The following LHFPL6 variants were observed in gnomAD, a reference collection of about 807,000 sequenced individuals.
The protein encoded by LHFPL6 is LHFPL tetraspan subfamily member 6 protein.
LHFPL6 carries 9 observed loss-of-function variants against 20.6 expected under a neutral mutation model. The ratio of observed to expected loss-of-function variants is 0.44; its 90% CI spans 0.26 to 0.76. The LOEUF is 0.76. Ranked by LOEUF, LHFPL6 falls within the 30% of genes least tolerant of loss-of-function variation. The pLI is 0.20. For missense variants in LHFPL6, 218 were observed against 253.5 expected, an observed-to-expected ratio of 0.86 and a Z score of 0.95; for synonymous variants, 105 against 98.7, an observed-to-expected ratio of 1.06 and a Z score of -0.38.
intron 2 of LHFPL6, among the ~76,000 whole-genome samples, chr13:39,595,964 C>G (rs555151063): frequency 6.6e-5 from 10 of 152,128 alleles, no homozygotes; most frequent in African/African-American, 2.2e-4. Flanking sequence ...ATCTATAGTA[C>G]GGTCTTCCTA....
chr13:39,347,678 C>T (rs920678362), intron 3 of LHFPL6, among the ~76,000 whole-genome samples: 9 of 152,210 alleles, frequency 5.9e-5, no homozygotes, highest in African/African-American at 2.2e-4. Flanking sequence ...GATTTGCTGA[C>T]AACCATGAAC....
intron 2 of LHFPL6, among the ~76,000 whole-genome samples, chr13:39,586,978 G>T (rs189112255): frequency 2.0e-5 from 3 of 152,242 alleles, no homozygotes; most frequent in Non-Finnish European, 2.9e-5. Flanking sequence ...CCAGCATAGT[G>T]AAACCCTGTC....
At chr13:39,468,002 A>G (rs572018250) in intron 2 of LHFPL6, among the ~76,000 whole-genome samples, 199 of 152,296 alleles carry the variant, frequency 1.3e-3, no homozygotes, top group Middle Eastern at 6.8e-3. Context: ...GGAAGCTTCA[A>G]AAAACAGAGG....
chr13:39,424,768 G>A (rs1871594167), intron 2 of LHFPL6, among the ~76,000 whole-genome samples: 1 of 152,148 alleles, frequency 6.6e-6, no homozygotes, highest in East Asian at 1.9e-4. Flanking sequence ...ATATTAATGT[G>A]AAAATTAGAG....
At chr13:39,526,810 C>T (rs572429389) in intron 2 of LHFPL6, among the ~76,000 whole-genome samples, 8 of 152,304 alleles carry the variant, frequency 5.3e-5, no homozygotes, top group African/African-American at 1.9e-4. Flanking sequence ...ATTTCGAAGG[C>T]TTTAAGTGAC....
chr13:39,506,000 C>T (rs1172834898), intron 2 of LHFPL6, among the ~76,000 whole-genome samples: 3 of 152,196 alleles, frequency 2.0e-5, no homozygotes, highest in Non-Finnish European at 4.4e-5. Context: ...CCTCTAACCA[C>T]TCAACTCAGA....
At chr13:39,516,125 C>T (rs1251737644) in intron 2 of LHFPL6, among the ~76,000 whole-genome samples, 1 of 152,226 alleles carries the variant, frequency 6.6e-6, no homozygotes, top group Admixed American at 6.5e-5. Flanking sequence ...GAATAGTCTC[C>T]TAGCTGGATT....
At chr13:39,561,615 G>T (rs1303110064) in intron 2 of LHFPL6, among the ~76,000 whole-genome samples, 2 of 152,222 alleles carry the variant, frequency 1.3e-5, no homozygotes, top group Non-Finnish European at 1.5e-5. Context: ...GGCACAAGCC[G>T]CCATGTCTGC....
chr13:39,492,558 T>C (rs1868962214), intron 2 of LHFPL6, among the ~76,000 whole-genome samples: 1 of 152,214 alleles, frequency 6.6e-6, no homozygotes, highest in African/African-American at 2.4e-5. Flanking sequence ...TTCATTGTTA[T>C]TGTGTTTCCT....
chr13:39,599,533 C>A (rs1872866590), intron 2 of LHFPL6, among the ~76,000 whole-genome samples: 1 of 152,178 alleles, frequency 6.6e-6, no homozygotes, highest in Non-Finnish European at 1.5e-5. Context: ...GGTAGGTCCC[C>A]CACACTGCCT....
intron 2 of LHFPL6, among the ~76,000 whole-genome samples, chr13:39,566,166 G>A (rs757304325): frequency 9.9e-5 from 15 of 152,138 alleles, no homozygotes; most frequent in Admixed American, 6.5e-4. Context: ...ACAGAAAAAG[G>A]AGGTAGAAGT....
intron 2 of LHFPL6, among the ~76,000 whole-genome samples, chr13:39,418,382 CTTTTTT>C (rs71077297): frequency 2.9e-4 from 38 of 129,710 alleles, no homozygotes; most frequent in South Asian, 5.2e-4. Flanking sequence ...TTTTTTTGGT[CTTTTTT>C]TTTTTTTTTT....
intron 2 of LHFPL6, 32 bp downstream of exon 2, chr13:39,600,800 A>G: frequency 1.4e-6 from 2 of 1,459,264 alleles, no homozygotes; most frequent in Non-Finnish European, 1.8e-6. Context: ...TTGGGATTCC[A>G]GTAAACAACT....
rs1481778321 is a variant in LHFPL6, at chr13:39,344,417, GA to G, written c.485-364del. Among the ~76,000 whole-genome samples, 24 of 152,184 alleles carry G rather than the reference GA, an allele frequency of 1.6e-4. No individual in the cohort carries two copies. In the East Asian group the frequency reaches 4.3e-3, roughly 27 times the overall value. On this transcript the variant is annotated intron_variant, in intron 3 of 3. Transcript: ENST00000379589. Reference sequence around the variant, plus strand: ...CACCTGCGTAACAAAGTACTTTAGGGAAAAAAATATAAATGTTGATGCAATC... The same window carrying G: ...CACCTGCGTAACAAAGTACTTTAGGGAAAAAATATAAATGTTGATGCAATC...
chr13:39,585,706 A>G (rs1488886814), intron 2 of LHFPL6, among the ~76,000 whole-genome samples: 2 of 152,220 alleles, frequency 1.3e-5, no homozygotes, highest in African/African-American at 2.4e-5. Context: ...GTTTCTGTCT[A>G]TGAATGCTCC....
In LHFPL6 at chr13:39,497,057, C is replaced by T. The variant is rs78361487; in HGVS notation, c.385+103775G>A. Among the ~76,000 whole-genome samples the T allele has an allele frequency of 6.8e-3, 1,034 of 152,270 alleles. 5 individuals are homozygous for T. The highest frequency in any genetic ancestry group is 0.024 in the African/African-American group (996 of 41,546). ...TAGAAAAACAAAATTGAACTATTAC[C>T]TTCAGTAAGGAGTATGGATTCAATG... On this transcript the variant is annotated intron_variant, in intron 2 of 3. Coordinates refer to ENST00000379589, the MANE Select transcript of LHFPL6 (RefSeq NM_005780.3).
At chr13:39,596,626 G>T (rs1025386939) in intron 2 of LHFPL6, among the ~76,000 whole-genome samples, 3 of 147,994 alleles carry the variant, frequency 2.0e-5, no homozygotes, top group African/African-American at 7.5e-5. Flanking sequence ...AACAAGAGTA[G>T]TTATTATAGT....
intron 2 of LHFPL6, among the ~76,000 whole-genome samples, chr13:39,454,824 G>A (rs1287577301): frequency 1.3e-5 from 2 of 152,120 alleles, no homozygotes; most frequent in African/African-American, 4.8e-5. Context: ...TCTTCCTACT[G>A]ATACATTTAA....
At chr13:39,570,055 G>A (rs191436933) in intron 2 of LHFPL6, among the ~76,000 whole-genome samples, 68 of 152,222 alleles carry the variant, frequency 4.5e-4, no homozygotes, top group African/African-American at 1.6e-3. Context: ...GGAAACAATG[G>A]CCTGAGGAAA....
Sources: allele counts gnomAD v4.1 joint callset (sites outside exome capture counted in the v4.1 genomes callset), GRCh38; gene constraint gnomAD v4.1.1; transcripts MANE v1.5; gene names NCBI Gene and HGNC (gene_info 2026-07-23, HGNC 2026-07-21).